RASAL2: variants seen among roughly 807,000 people sequenced by gnomAD.
The protein encoded by RASAL2 is RAS protein activator like 2, also known as ras GTPase-activating protein nGAP.
In RASAL2, 58 loss-of-function variants were observed where a neutral mutation model predicts 128.9. The observed-to-expected ratio is 0.45, with a 90% CI of 0.36 to 0.56. The LOEUF (loss-of-function observed/expected upper bound fraction) is 0.56, where lower values mean the gene tolerates loss of function less well. RASAL2 is among the 20% of genes least tolerant of loss of function. The pLI is 0.00. For synonymous variants in RASAL2, 561 were observed against 580.8 expected, an observed-to-expected ratio of 0.97 and a Z score of 0.49; for missense variants, 1,360 against 1,601.6, an observed-to-expected ratio of 0.85 and a Z score of 2.57.
chr1:178,400,087 T>TTCAAAAACTG (rs1673512559), intron 4 of RASAL2, among the ~76,000 whole-genome samples: 1 of 152,228 alleles, frequency 6.6e-6, no homozygotes, highest in Admixed American at 6.5e-5. Flanking sequence ...TACCTTTTAC[T>TTCAAAAACTG]TCAAAAACTG....
At chr1:178,169,181 C>T (rs1418067396) in intron 1 of RASAL2, among the ~76,000 whole-genome samples, 2 of 152,032 alleles carry the variant, frequency 1.3e-5, no homozygotes, top group Non-Finnish European at 2.9e-5. Context: ...TTACCTAGTA[C>T]ACGAAAAAAT....
At chr1:178,158,236 CATAGTATAG>C (rs1395401904) in intron 1 of RASAL2, among the ~76,000 whole-genome samples, 6 of 152,200 alleles carry the variant, frequency 3.9e-5, no homozygotes, top group African/African-American at 1.2e-4. Context: ...GGATGTGCAT[CATAGTATAG>C]CAAAGGAATA....
intron 1 of RASAL2, among the ~76,000 whole-genome samples, chr1:178,225,149 C>A (rs1663742240): frequency 1.3e-5 from 2 of 151,896 alleles, no homozygotes; most frequent in African/African-American, 4.8e-5. Flanking sequence ...TGAAGTTGGT[C>A]TGTGATGACT....
At chr1:178,213,069 T>C (rs1663309492) in intron 1 of RASAL2, among the ~76,000 whole-genome samples, 1 of 152,144 alleles carries the variant, frequency 6.6e-6, no homozygotes, top group Non-Finnish European at 1.5e-5. Flanking sequence ...AGGGTCTCAC[T>C]CTGTTGCCCA....
At chr1:178,464,831 GTTTTTTTTTTTTT>G (rs986789340) in intron 15 of RASAL2, among the ~76,000 whole-genome samples, 2 of 38,198 alleles carry the variant, frequency 5.2e-5, no homozygotes, top group East Asian at 1.0e-3. Context: ...GGTTTTAGTT[GTTTTTTTTTTTTT>G]TTTTTTTTTT....
intron 4 of RASAL2, among the ~76,000 whole-genome samples, chr1:178,412,964 TTC>T (rs1406609823): frequency 1.3e-5 from 2 of 149,246 alleles, no homozygotes; most frequent in African/African-American, 5.0e-5. Context: ...CTCTTTCTTT[TTC>T]TTTCTTTCTT....
intron 1 of RASAL2, among the ~76,000 whole-genome samples, chr1:178,162,638 A>G (rs530147939): frequency 6.7e-6 from 1 of 148,316 alleles, no homozygotes; most frequent in East Asian, 2.0e-4. Context: ...CTCAGGCTGG[A>G]GTGCAGTGGC....
chr1:178,353,985 AAGG>A (rs1013618423), intron 3 of RASAL2, among the ~76,000 whole-genome samples: 12 of 152,106 alleles, frequency 7.9e-5, no homozygotes, highest in African/African-American at 2.9e-4. Context: ...AAAAAAGAAG[AAGG>A]AAGATACATT....
chr1:178,362,046 C>T (rs1268013059), intron 3 of RASAL2, among the ~76,000 whole-genome samples: 1 of 152,184 alleles, frequency 6.6e-6, no homozygotes, highest in East Asian at 1.9e-4. Context: ...TCATCTGCCA[C>T]TCACCTCCTG....
chr1:178,463,112 T>A (rs1237219910), intron 14 of RASAL2, among the ~76,000 whole-genome samples: 1 of 152,142 alleles, frequency 6.6e-6, no homozygotes, highest in African/African-American at 2.4e-5. Flanking sequence ...GGTATAAAGA[T>A]CCTTAAGATG....
intron 3 of RASAL2, among the ~76,000 whole-genome samples, chr1:178,326,301 AG>A: frequency 6.6e-6 from 1 of 152,188 alleles, no homozygotes; most frequent in Non-Finnish European, 1.5e-5. Flanking sequence ...ATAAGAGAAT[AG>A]GTTCAAAATT....
intron 1 of RASAL2, among the ~76,000 whole-genome samples, chr1:178,242,417 A>C (rs1664539841): frequency 7.2e-6 from 1 of 139,400 alleles, no homozygotes; most frequent in East Asian, 2.2e-4. Flanking sequence ...CAATTTTTAT[A>C]ATTCATTCTC....
chr1:178,436,669 T>G (rs1676276397), intron 5 of RASAL2, among the ~76,000 whole-genome samples: 1 of 152,246 alleles, frequency 6.6e-6, no homozygotes, highest in South Asian at 2.1e-4. Flanking sequence ...AGTAGGGGCA[T>G]GGGAATTGTA....
At chr1:178,430,695 A>G (rs1357773566) in intron 5 of RASAL2, among the ~76,000 whole-genome samples, 1 of 152,072 alleles carries the variant, frequency 6.6e-6, no homozygotes, top group Non-Finnish European at 1.5e-5. Flanking sequence ...CATTATCTAC[A>G]CATATCTTAA....
intron 1 of RASAL2, among the ~76,000 whole-genome samples, chr1:178,131,758 G>A (rs1479232512): frequency 6.6e-6 from 1 of 152,116 alleles, no homozygotes; most frequent in African/African-American, 2.4e-5. Context: ...GAGGTCACAT[G>A]AATTGTGAGT....
intron 1 of RASAL2, among the ~76,000 whole-genome samples, chr1:178,107,414 AG>A (rs1659131691): frequency 1.3e-5 from 2 of 152,204 alleles, no homozygotes; most frequent in Admixed American, 1.3e-4. Context: ...CAGGAATAAA[AG>A]TGAGGATGCT....
At chr1:178,177,280 T>C (rs1307607247) in intron 1 of RASAL2, among the ~76,000 whole-genome samples, 1 of 152,222 alleles carries the variant, frequency 6.6e-6, no homozygotes, top group Non-Finnish European at 1.5e-5. Context: ...TCAGCAATTA[T>C]GCTGTGATCT....
chr1:178,104,015 A>G (rs548697726), intron 1 of RASAL2, among the ~76,000 whole-genome samples: 1 of 152,106 alleles, frequency 6.6e-6, no homozygotes, highest in African/African-American at 2.4e-5. Context: ...TACATACACT[A>G]AGTACCTAAA....
intron 1 of RASAL2, among the ~76,000 whole-genome samples, chr1:178,149,414 G>A (rs550591709): frequency 6.6e-6 from 1 of 151,964 alleles, no homozygotes; most frequent in African/African-American, 2.4e-5. Context: ...CTCTAAAATT[G>A]TTGTGGATTT....
Sources: gnomAD v4.1 joint callset for allele counts (sites outside exome capture counted in the v4.1 genomes callset) on GRCh38, gnomAD v4.1.1 for gene constraint, MANE v1.5 for transcripts, NCBI Gene and HGNC (gene_info 2026-07-23, HGNC 2026-07-21) for gene names.